The following ERICH3 variants were observed in gnomAD, a reference collection of about 807,000 sequenced individuals.
The protein encoded by ERICH3 is glutamate rich 3.
ERICH3 carries 126 observed loss-of-function variants against 131.1 expected under a neutral mutation model. That is an observed-to-expected ratio of 0.96 (90% confidence interval 0.83 to 1.11). The LOEUF is 1.11. Among genes scored for constraint, ERICH3 ranks in the 50% most tolerant of loss-of-function variants. ERICH3 has a pLI of 0.00. For synonymous variants in ERICH3, 695 were observed against 644.6 expected (o/e 1.08, Z -1.18); for missense variants, 2,050 against 1,810.7 (o/e 1.13, Z -2.40).
chr1:74,570,520 T>C (rs1646924125), intron 14 of ERICH3, 81 bp from the exon 15 acceptor site: 1 of 152,278 alleles, frequency 6.6e-6, no homozygotes, highest in Non-Finnish European at 1.5e-5. Context: ...TGTGAGGGCC[T>C]AAAGGAAATA....
intron 1 of ERICH3, among the ~76,000 whole-genome samples, chr1:74,665,307 A>G (rs534838338): frequency 2.6e-5 from 4 of 152,138 alleles, no homozygotes; most frequent in Admixed American, 6.5e-5. Flanking sequence ...GCCGTGAGAA[A>G]TAAAATTCTG....
chr1:74,583,357 G>C (rs976804914), intron 12 of ERICH3, among the ~76,000 whole-genome samples: 1 of 152,090 alleles, frequency 6.6e-6, no homozygotes, highest in East Asian at 1.9e-4. Context: ...TCCTATACAT[G>C]CCTCCTTATA....
chr1:74,642,022 A>C (rs1364942262), intron 4 of ERICH3, among the ~76,000 whole-genome samples: 3 of 152,108 alleles, frequency 2.0e-5, no homozygotes, highest in Non-Finnish European at 4.4e-5. Flanking sequence ...TGCTTCATGC[A>C]GTGTGAGTGA....
At chr1:74,667,386 A>G (rs1488537478) in intron 1 of ERICH3, among the ~76,000 whole-genome samples, 1 of 152,170 alleles carries the variant, frequency 6.6e-6, no homozygotes, top group Non-Finnish European at 1.5e-5. Flanking sequence ...AACATACACT[A>G]TTCTCAACTA....
At chr1:74,571,021 G>C (rs1421012997) in intron 14 of ERICH3, 78 bp downstream of exon 14, 5 of 1,500,372 alleles carry the variant, frequency 3.3e-6, no homozygotes, top group Non-Finnish European at 3.6e-6. Flanking sequence ...CCAATAAAGG[G>C]ACAAGCCAGC....
At chr1:74,600,910 A>AG (rs1193312549) in intron 10 of ERICH3, among the ~76,000 whole-genome samples, 3 of 151,260 alleles carry the variant, frequency 2.0e-5, no homozygotes, top group South Asian at 2.1e-4. Flanking sequence ...TCTGTGGGGG[A>AG]GGGGGGCCTC....
chr1:74,622,060 A>G (rs1418556137), intron 7 of ERICH3: 1 of 152,234 alleles, frequency 6.6e-6, no homozygotes, highest in Admixed American at 6.5e-5. Context: ...TGCATTTTCT[A>G]AAGAATAACA....
chr1:74,572,886 C>T lies in ERICH3; in HGVS notation c.2824G>A (p.Val942Ile). Reference sequence around the variant, plus strand: ...GATGCTTCCTCTTCACTTTCTCCGACATCACTCACAGCCACCCCACCCTCA... The same window carrying T: ...GATGCTTCCTCTTCACTTTCTCCGATATCACTCACAGCCACCCCACCCTCA... The part of the protein sequence containing the change: ...EAEGGVAVSD[V>I]GESEEEASID... The change falls in exon 14 of 15, where the codon GTC becomes ATC. Residue 942 changes from valine (V) to isoleucine (I), a missense_variant. Coordinates refer to ENST00000326665, the MANE Select transcript of ERICH3 (RefSeq NM_001002912.5). 2 of 1,614,036 alleles carry T rather than the reference C, an allele frequency of 1.2e-6. No individual in the cohort carries two copies. Among genetic ancestry groups the T allele is most frequent in the East Asian group, 2.2e-5 (1 of 44,856 alleles).
rs527762114 is a variant in ERICH3, at chr1:74,573,301, A to T, written c.2409T>A (p.Ala803=). The T allele has an allele frequency of 1.1e-5, 18 of 1,600,564 alleles. No individual in the cohort carries two copies. The highest frequency in any genetic ancestry group is 1.7e-4 in the Middle Eastern group (1 of 5,948). The change falls in exon 14 of 15, where the codon GCT becomes GCA. Residue 803 remains alanine (A), a synonymous_variant. Coordinates refer to ENST00000326665, the MANE Select transcript of ERICH3 (RefSeq NM_001002912.5). ...GEAALWGEAG[A]VHEAPLRAWK... ...ACGCCCTCAAGGGAGCCTCATGAAC[A>T]GCTCCTGCTTCTCCCCACAGTGCTG...
chr1:74,573,300 C>A lies in ERICH3; in HGVS notation c.2410G>T (p.Val804Phe). Reference sequence around the variant, plus strand: ...CACGCCCTCAAGGGAGCCTCATGAACAGCTCCTGCTTCTCCCCACAGTGCT... The same window carrying A: ...CACGCCCTCAAGGGAGCCTCATGAAAAGCTCCTGCTTCTCCCCACAGTGCT... ...EAALWGEAGAVHEAPLRAWKP... is the reference protein window; with the variant it reads ...EAALWGEAGAFHEAPLRAWKP... The change falls in exon 14 of 15, where the codon GTT becomes TTT. Residue 804 changes from valine to phenylalanine, a missense_variant. Physicochemically the swap from Val to Phe is conservative, Grantham distance 50. Coordinates refer to ENST00000326665, the MANE Select transcript of ERICH3 (RefSeq NM_001002912.5). 6.2e-7 allele frequency: 1 copy of A among 1,601,164 alleles called. No homozygotes were observed. Among genetic ancestry groups the A allele is most frequent in the South Asian group, 1.1e-5 (1 of 88,484 alleles).
rs1570858952 is a variant in ERICH3, at chr1:74,606,830, T to C, written c.1260A>G (p.Lys420=). 2 of 1,613,198 alleles carry C rather than the reference T, an allele frequency of 1.2e-6. No individual in the cohort carries two copies. Among genetic ancestry groups the C allele is most frequent in the Non-Finnish European group, 1.7e-6 (2 of 1,179,436 alleles). ...CCTCAGCCTTCTTCAGTTCCTCTCC[T>C]TTCTCAGTGCTCTTTTCTTTCCTAG... ...PKSRKEKSTE[K]GEELKKAEGK... is the part of the protein sequence containing the mutation. The change falls in exon 10 of 15, where the codon AAA becomes AAG. Residue 420 remains lysine, a synonymous_variant. Coordinates refer to ENST00000326665, the MANE Select transcript of ERICH3 (RefSeq NM_001002912.5).
In ERICH3 at chr1:74,606,659, A is replaced by G. The variant is rs765329067; in HGVS notation, c.1431T>C (p.Ser477=). 41 of 1,612,636 alleles carry G rather than the reference A, an allele frequency of 2.5e-5. No homozygotes were observed. The Middle Eastern group carries it at 6.6e-4, about 26-fold the overall frequency. ...AGACTTCTTGTCCTGGTTTTCCTTT[A>G]CTTGTCATTTCCTCCACAGCAGTTA... ...EVVTAVEEMT[S]KGKPGQEVLE... is the part of the protein sequence containing the mutation. The change falls in exon 10 of 15, where the codon AGT becomes AGC. Residue 477 remains serine, a synonymous_variant. Coordinates refer to ENST00000326665, the MANE Select transcript of ERICH3 (RefSeq NM_001002912.5).
chr1:74,609,148 C>A (rs1480442192), intron 9 of ERICH3, among the ~76,000 whole-genome samples: 2 of 152,042 alleles, frequency 1.3e-5, no homozygotes, highest in Non-Finnish European at 2.9e-5. Flanking sequence ...TTCATGCTAG[C>A]AATTGAAAAT....
intron 12 of ERICH3, chr1:74,579,604 A>G: frequency 1.0e-6 from 1 of 985,384 alleles, no homozygotes; most frequent in Non-Finnish European, 1.2e-6. Context: ...AAACCAGAAA[A>G]GGCTTCACTT....
intron 1 of ERICH3, among the ~76,000 whole-genome samples, chr1:74,655,057 A>C (rs1646572004): frequency 6.6e-6 from 1 of 152,172 alleles, no homozygotes; most frequent in Non-Finnish European, 1.5e-5. Flanking sequence ...ACTTTCCTTC[A>C]TAATTTTAGC....
chr1:74,623,963 G>C (rs1382397811), intron 7 of ERICH3: 3 of 152,048 alleles, frequency 2.0e-5, no homozygotes, highest in Non-Finnish European at 4.4e-5. Flanking sequence ...CATGATATTG[G>C]AACTATTCCC....
At chr1:74,644,921 A>G (rs573268738) in intron 3 of ERICH3, among the ~76,000 whole-genome samples, 1 of 152,196 alleles carries the variant, frequency 6.6e-6, no homozygotes, top group East Asian at 1.9e-4. Flanking sequence ...ACTGGGTACC[A>G]ACTTGTTGGA....
At chr1:74,667,032 G>C (rs1646699006) in intron 1 of ERICH3, among the ~76,000 whole-genome samples, 1 of 152,122 alleles carries the variant, frequency 6.6e-6, no homozygotes, top group Non-Finnish European at 1.5e-5. Flanking sequence ...AGGATTAGTA[G>C]CTGGTCAGTT....
In ERICH3 at chr1:74,572,283, G is replaced by C; in HGVS notation, c.3427C>G (p.Leu1143Val). 1 of 1,613,974 alleles carries C rather than the reference G, an allele frequency of 6.2e-7. No individual in the cohort carries two copies. The highest frequency in any genetic ancestry group is 8.5e-7 in the Non-Finnish European group (1 of 1,180,014). Reference sequence around the variant, plus strand: ...TCTTTTAGTGAATCTTCTCCTAGAAGCCCTGGATTGTCAGACAACTCAGAA... The same window carrying C: ...TCTTTTAGTGAATCTTCTCCTAGAACCCCTGGATTGTCAGACAACTCAGAA... The part of the protein sequence containing the change: ...EASELSDNPG[L>V]LGEDSLKETV... The change falls in exon 14 of 15, where the codon CTT (leucine) becomes GTT (valine). Residue 1143 changes from leucine (L) to valine (V), a missense_variant. By Grantham distance (32) the Leu-to-Val change is conservative (BLOSUM62 1). Coordinates refer to ENST00000326665, the MANE Select transcript of ERICH3 (RefSeq NM_001002912.5).
Sources: allele counts gnomAD v4.1 joint callset (sites outside exome capture counted in the v4.1 genomes callset), GRCh38; gene constraint gnomAD v4.1.1; transcripts MANE v1.5; gene names NCBI Gene and HGNC (gene_info 2026-07-23, HGNC 2026-07-21).